The following FER variants were observed in gnomAD, a reference collection of about 807,000 sequenced individuals.
The protein encoded by FER is tyrosine-protein kinase Fer.
FER carries 63 observed loss-of-function variants against 111.0 expected under a neutral mutation model. The ratio of observed to expected loss-of-function variants is 0.57; its 90% confidence interval spans 0.46 to 0.70. The LOEUF is 0.70. Among genes scored for constraint, FER ranks in the 30% least tolerant of loss-of-function variants. FER has a pLI of 0.00. For missense variants in FER, 914 were observed against 954.0 expected (o/e 0.96, Z 0.55); for synonymous variants, 327 against 313.9 (o/e 1.04, Z -0.44).
intron 17 of FER, among the ~76,000 whole-genome samples, chr5:109,147,118 C>A: frequency 6.6e-6 from 1 of 151,596 alleles, no homozygotes; most frequent in South Asian, 2.1e-4. Context: ...AGTGATTACT[C>A]AGACTTCTCA....
At position 109,100,623 on chromosome 5, in the gene FER, T is replaced by C. The variant is rs1748106482; in HGVS notation, c.2048+104T>C. On this transcript the variant is annotated intron_variant, in intron 17 of 19. Transcript: ENST00000281092. ...GTCATTTTCTTTCATGAAACATGTC[T>C]TTTCTTGTTTTCTGTATTTTGTGTG... 11 of 1,143,664 alleles carry C rather than the reference T, an allele frequency of 9.6e-6. No individual in the cohort carries two copies. In the South Asian group the frequency reaches 1.6e-4, roughly 16 times the overall value. The allele number at this position is 1,143,664 out of a possible 1,614,324, so 70.8% of individuals were successfully genotyped here.
intron 5 of FER, among the ~76,000 whole-genome samples, chr5:108,855,624 C>G (rs190361056): frequency 8.4e-4 from 126 of 150,140 alleles, no homozygotes; most frequent in Middle Eastern, 3.6e-3. Flanking sequence ...TACAAAAGAC[C>G]AATGTAAAAG....
intron 9 of FER, 108 bp from the exon 10 acceptor site, chr5:108,897,551 A>G: frequency 1.3e-6 from 1 of 775,666 alleles, no homozygotes; most frequent in Non-Finnish European, 1.9e-6. Flanking sequence ...TATGATTCTA[A>G]AGGGCTCTTA....
intron 10 of FER, among the ~76,000 whole-genome samples, chr5:108,900,265 T>C (rs1170867297): frequency 6.6e-6 from 1 of 152,236 alleles, no homozygotes; most frequent in Non-Finnish European, 1.5e-5. Context: ...AATGCCCAAT[T>C]CCTAAAACTT....
rs528971800 is a variant in FER, at chr5:108,834,534, C to T, written c.382-1174C>T. Among the ~76,000 whole-genome samples, 31 of 151,920 alleles carry T rather than the reference C, an allele frequency of 2.0e-4. 2 individuals are homozygous for T. In the South Asian group the frequency reaches 6.5e-3, roughly 32 times the overall value. ...GCAACACGGTGAAACCCCGTCTCTA[C>T]TAAAAATACAAAAATTAGCCAGGTG... On this transcript the variant is annotated intron_variant, in intron 4 of 19. Coordinates refer to ENST00000281092, the MANE Select transcript of FER (RefSeq NM_005246.4).
chr5:109,187,397 A>G lies in FER; in HGVS notation c.2327-36A>G, dbSNP rs768268842. 3 of 1,603,362 alleles carry G rather than the reference A, an allele frequency of 1.9e-6. No homozygotes were observed. The African/African-American group carries it at 4.0e-5, about 22-fold the overall frequency. On this transcript the variant is annotated intron_variant, in intron 19 of 19. Coordinates refer to ENST00000281092, the MANE Select transcript of FER (RefSeq NM_005246.4). ...TGTGAACATTTTGTGTCTTACCTCC[A>G]TTCTAAATTCTGTTCTCCTTCTCTT...
Position 109,193,800 on chromosome 5 carries a change from CAA to C in FER, c.*6227_*6228del, listed in dbSNP as rs1478177243. 1 of 152,106 alleles carries C rather than the reference CAA, an allele frequency of 6.6e-6. No individual in the cohort carries two copies. The highest frequency in any genetic ancestry group is 6.6e-5 in the Admixed American group (1 of 15,260). 9.4% of individuals were successfully genotyped at this position (152,106 alleles called of 1,614,324 possible). On this transcript the variant is annotated 3_prime_UTR_variant, in exon 20 of 20. Coordinates refer to ENST00000281092, the MANE Select transcript of FER (RefSeq NM_005246.4). ...GAATAATGTTGTAATTGGTTTCAATCAAAGTTTCTCCTCAGGTACTTGGGGGC... is the reference window on the plus strand; with the variant it reads ...GAATAATGTTGTAATTGGTTTCAATCAGTTTCTCCTCAGGTACTTGGGGGC...
In FER at chr5:109,100,566, G is replaced by A. The variant is rs774873944; in HGVS notation, c.2048+47G>A. On this transcript the variant is annotated intron_variant, in intron 17 of 19. Coordinates refer to ENST00000281092, the MANE Select transcript of FER (RefSeq NM_005246.4). ...CAATTTTTGGTTTTATTAATAGAAT[G>A]CTGGAAAACTGATGTATTTGCTACA... 10 of 1,547,814 alleles carry A rather than the reference G, an allele frequency of 6.5e-6. No individual in the cohort carries two copies. The South Asian group carries it at 8.2e-5, about 13-fold the overall frequency.
intron 18 of FER, among the ~76,000 whole-genome samples, chr5:109,185,512 A>G (rs1310839310): frequency 6.6e-6 from 1 of 152,230 alleles, no homozygotes. Flanking sequence ...GCAGGAATCC[A>G]ACTTGGTTAA....
intron 2 of FER, among the ~76,000 whole-genome samples, chr5:108,797,356 CTCCTGTAG>C (rs1216923232): frequency 6.6e-6 from 1 of 152,126 alleles, no homozygotes; most frequent in Non-Finnish European, 1.5e-5. Context: ...GTTGCAAGCA[CTCCTGTAG>C]CCTCCCTCTC....
intron 11 of FER, among the ~76,000 whole-genome samples, chr5:108,947,716 T>G (rs1757169049): frequency 6.6e-6 from 1 of 151,910 alleles, no homozygotes; most frequent in Non-Finnish European, 1.5e-5. Context: ...TCCTTGACTG[T>G]GTGTGCTTTT....
At chr5:108,967,759 C>CAA (rs774855414) in intron 13 of FER, among the ~76,000 whole-genome samples, 432 of 33,316 alleles carry the variant, frequency 0.013, 8 homozygotes, top group Middle Eastern at 0.016. Flanking sequence ...GACTCCGTCT[C>CAA]AAAAAAAAAA....
At chr5:108,983,882 A>T (rs916807328) in intron 13 of FER, among the ~76,000 whole-genome samples, 6 of 152,104 alleles carry the variant, frequency 3.9e-5, no homozygotes, top group Admixed American at 6.6e-5. Context: ...ACACCGGTAT[A>T]CTTGTGCTCA....
intron 3 of FER, chr5:108,819,794 G>A (rs1424545122): frequency 1.8e-5 from 18 of 984,936 alleles, no homozygotes; most frequent in Non-Finnish European, 2.0e-5. Flanking sequence ...AGTGTCTTGA[G>A]TATATAGATT....
At chr5:108,970,274 G>T (rs1760459932) in intron 13 of FER, among the ~76,000 whole-genome samples, 1 of 151,486 alleles carries the variant, frequency 6.6e-6, no homozygotes, top group Non-Finnish European at 1.5e-5. Flanking sequence ...GGAGTGCAGT[G>T]GCGCAATCTT....
At chr5:109,157,507 A>G (rs890444024) in intron 17 of FER, among the ~76,000 whole-genome samples, 2 of 150,064 alleles carry the variant, frequency 1.3e-5, no homozygotes. Context: ...ATCACTGGCG[A>G]TGAGTTCTGT....
At chr5:108,758,075 A>G (rs967956625) in intron 1 of FER, among the ~76,000 whole-genome samples, 2 of 152,212 alleles carry the variant, frequency 1.3e-5, no homozygotes, top group Non-Finnish European at 2.9e-5. Context: ...TCTACATTAT[A>G]AAAATAATGT....
chr5:108,959,429 T>A, intron 13 of FER, 82 bp downstream of exon 13: 2 of 1,412,684 alleles, frequency 1.4e-6, no homozygotes, highest in Non-Finnish European at 1.9e-6. Context: ...AATAAAATTC[T>A]TAGGTTATAT....
intron 16 of FER, among the ~76,000 whole-genome samples, chr5:109,083,871 A>G (rs1374590930): frequency 6.6e-6 from 1 of 151,970 alleles, no homozygotes; most frequent in Non-Finnish European, 1.5e-5. Flanking sequence ...CATCCCCAAT[A>G]CCACCATGCT....
Sources: allele counts gnomAD v4.1 joint callset (sites outside exome capture counted in the v4.1 genomes callset), GRCh38; gene constraint gnomAD v4.1.1; transcripts MANE v1.5; gene names NCBI Gene and HGNC (gene_info 2026-07-23, HGNC 2026-07-21).